The following OR10J1 variants were observed in gnomAD, a reference collection of about 807,000 sequenced individuals.
OR10J1 encodes the protein olfactory receptor 10J1.
For missense variants in OR10J1, 474 were observed against 376.6 expected (o/e 1.26, Z -2.14); for synonymous variants, 202 against 143.8 (o/e 1.40, Z -2.89).
At chr1:159,433,621 T>G (rs1655652299), upstream of OR10J1, among the ~76,000 whole-genome samples, 1 of 152,174 alleles carries the variant, frequency 6.6e-6, no homozygotes, top group South Asian at 2.1e-4. Context: ...AGGCTGAAGT[T>G]ATGCTCCAGC....
the OR10J1 span, among the ~76,000 whole-genome samples, chr1:159,410,179 C>G: frequency 6.6e-6 from 1 of 152,212 alleles, no homozygotes; most frequent in Non-Finnish European, 1.5e-5. Flanking sequence ...TGTGTCTCTG[C>G]CCGGCTTTGG....
At chr1:159,404,770 C>T in the OR10J1 span, among the ~76,000 whole-genome samples, 1 of 152,076 alleles carries the variant, frequency 6.6e-6, no homozygotes, top group East Asian at 1.9e-4. Context: ...GTTTCGTGTG[C>T]CTGGGCAGAT....
At chr1:159,410,195 G>A in the OR10J1 span, among the ~76,000 whole-genome samples, 1 of 152,138 alleles carries the variant, frequency 6.6e-6, no homozygotes, top group Admixed American at 6.6e-5. Flanking sequence ...TTTGGTATCA[G>A]GATGATGCTG....
At position 159,440,059 on chromosome 1, in the gene OR10J1, C is replaced by T; in HGVS notation, c.268C>T (p.Gln90Ter). The stretch of plus-strand genomic sequence containing the variant: ...GCTCTCCAGCCTCGTAGGTATGAGC[C>T]AGCCCATATCATTGGCAGGGTGTGC... ...RMLSSLVGMSQPISLAGCATQ... is the reference protein window; with the variant it reads ...RMLSSLVGMS Residue 90 changes from glutamine (Q) to a stop codon, truncating the protein, a stop_gained, in exon 1 of 1, where the codon CAG becomes TAG. Coordinates refer to ENST00000423932, the MANE Select transcript of OR10J1 (RefSeq NM_012351.3). LOFTEE classifies it low-confidence loss of function (END_TRUNC). 6.2e-7 allele frequency: 1 copy of T among 1,614,084 alleles called. No homozygotes were observed. The highest frequency in any genetic ancestry group is 8.5e-7 in the Non-Finnish European group (1 of 1,179,980).
chr1:159,419,175 G>C, the OR10J1 span, among the ~76,000 whole-genome samples: 1 of 152,148 alleles, frequency 6.6e-6, no homozygotes, highest in East Asian at 1.9e-4. Flanking sequence ...ACTTTGTGGA[G>C]CTGTTGGGAA....
chr1:159,416,962 T>A, the OR10J1 span, among the ~76,000 whole-genome samples: 1 of 152,026 alleles, frequency 6.6e-6, no homozygotes, highest in Non-Finnish European at 1.5e-5. Context: ...TATTTGGGTC[T>A]TCTCTCTTTT....
the OR10J1 span, among the ~76,000 whole-genome samples, chr1:159,399,840 T>C: frequency 1.3e-5 from 2 of 151,984 alleles, no homozygotes; most frequent in Non-Finnish European, 2.9e-5. Context: ...CAATAAGATA[T>C]AAATAGAAAC....
At chr1:159,425,165 A>C in the OR10J1 span, among the ~76,000 whole-genome samples, 1 of 152,194 alleles carries the variant, frequency 6.6e-6, no homozygotes, top group Non-Finnish European at 1.5e-5. Flanking sequence ...TTTTTAGAGA[A>C]GTGGACGTTT....
At chr1:159,413,204 G>T in the OR10J1 span, among the ~76,000 whole-genome samples, 1 of 152,120 alleles carries the variant, frequency 6.6e-6, no homozygotes, top group Admixed American at 6.6e-5. Context: ...TGCTGGAGAG[G>T]ATATGGAGAA....
At chr1:159,409,454 A>G in the OR10J1 span, among the ~76,000 whole-genome samples, 15 of 152,168 alleles carry the variant, frequency 9.9e-5, no homozygotes, top group African/African-American at 3.4e-4. Flanking sequence ...TGCTTTAAGC[A>G]TACTCCGTAC....
At chr1:159,420,699 T>A in the OR10J1 span, among the ~76,000 whole-genome samples, 1 of 152,198 alleles carries the variant, frequency 6.6e-6, no homozygotes, top group African/African-American at 2.4e-5. Flanking sequence ...TAGGTTTTTT[T>A]TTTCAGCACT....
chr1:159,400,354 T>C, the OR10J1 span, among the ~76,000 whole-genome samples: 6 of 151,446 alleles, frequency 4.0e-5, no homozygotes, highest in Admixed American at 3.9e-4. Flanking sequence ...TAGACACACA[T>C]AGAATGAAAA....
the OR10J1 span, among the ~76,000 whole-genome samples, chr1:159,398,172 C>T: frequency 1.3e-5 from 2 of 152,172 alleles, no homozygotes; most frequent in Non-Finnish European, 2.9e-5. Context: ...CAACAGTCTG[C>T]AAGAACGGCA....
chr1:159,422,720 C>T, the OR10J1 span, among the ~76,000 whole-genome samples: 1 of 152,186 alleles, frequency 6.6e-6, no homozygotes, highest in East Asian at 1.9e-4. Context: ...AGAGCAGTGC[C>T]TTTGTGTAGT....
the OR10J1 span, among the ~76,000 whole-genome samples, chr1:159,403,062 C>T: frequency 3.6e-3 from 540 of 152,016 alleles, 4 homozygotes; most frequent in African/African-American, 0.012. Context: ...TACATATGCA[C>T]AAGGATTAAA....
chr1:159,430,669 G>GTGTGTGTGCGCACA, the OR10J1 span, among the ~76,000 whole-genome samples: 1 of 20,158 alleles, frequency 5.0e-5, no homozygotes, highest in African/African-American at 9.5e-5. Flanking sequence ...GTGTGTGTGT[G>GTGTGTGTGCGCACA]CGCGCGCGCA....
chr1:159,408,801 T>A, the OR10J1 span, among the ~76,000 whole-genome samples: 41 of 151,908 alleles, frequency 2.7e-4, no homozygotes, highest in East Asian at 7.5e-3. Context: ...AATAGTAACA[T>A]CCCGAAAAAT....
chr1:159,415,449 A>G, the OR10J1 span, among the ~76,000 whole-genome samples: 1 of 152,126 alleles, frequency 6.6e-6, no homozygotes, highest in Non-Finnish European at 1.5e-5. Context: ...TTATACTAAT[A>G]CCATGCTATT....
At chr1:159,406,818 A>T in the OR10J1 span, among the ~76,000 whole-genome samples, 1 of 152,016 alleles carries the variant, frequency 6.6e-6, no homozygotes, top group African/African-American at 2.4e-5. Flanking sequence ...ATTCATTTCC[A>T]TCAGTATGAA....
Sources: allele counts gnomAD v4.1 joint callset (sites outside exome capture counted in the v4.1 genomes callset), GRCh38; gene constraint gnomAD v4.1.1; transcripts MANE v1.5; gene names NCBI Gene and HGNC (gene_info 2026-07-23, HGNC 2026-07-21).